RNF150: variants seen among roughly 807,000 people sequenced by gnomAD.
RNF150 encodes ring finger protein 150.
Under a neutral mutation model 39.3 loss-of-function variants are expected in RNF150, and 24 were observed. The ratio of observed to expected loss-of-function variants is 0.61; its 90% CI spans 0.44 to 0.86. RNF150 has a LOEUF of 0.86. Among genes scored for constraint, RNF150 ranks in the 40% least tolerant of loss-of-function variants. RNF150 has a pLI of 0.00. For synonymous variants in RNF150, 255 were observed against 227.3 expected (o/e 1.12, Z -1.10); for missense variants, 502 against 587.8 (o/e 0.85, Z 1.51).
In RNF150 at chr4:141,005,849, A is replaced by C. The variant is rs548621493; in HGVS notation, c.485-37976T>G. 1.1e-4 allele frequency among the ~76,000 whole-genome samples: 14 copies of C among 130,512 alleles called. No individual in the cohort carries two copies. In the East Asian group the frequency reaches 2.7e-3, roughly 25 times the overall value. 85.6% of individuals were successfully genotyped at this position (130,512 alleles called of 152,430 possible). A position where few individuals can be genotyped will look rare whatever the true frequency, so the allele number is the denominator to read the frequency against. On this transcript the variant is annotated intron_variant, in intron 1 of 6. Coordinates refer to ENST00000515673, the MANE Select transcript of RNF150 (RefSeq NM_020724.2). Reference sequence around the variant, plus strand: ...TTTGGGAGGCCGAGGCGGGCGGATCACGAGGTCAGGAGATCGAGACCATCC... The same window carrying C: ...TTTGGGAGGCCGAGGCGGGCGGATCCCGAGGTCAGGAGATCGAGACCATCC...
rs1385017116 is a variant in RNF150, at chr4:140,862,472, C to T, written c.*5789G>A. The T allele has an allele frequency of 1.3e-5, 2 of 151,966 alleles. No individual in the cohort carries two copies. Among genetic ancestry groups the T allele is most frequent in the African/African-American group, 4.8e-5 (2 of 41,348 alleles). The allele number at this position is 151,966 out of a possible 1,614,324, so 9.4% of individuals were successfully genotyped here. ...CAAGCAGGATTGCAATCAAATTGCTCGATATTAAGGGGCCACGTCTAGCAT... is the reference window on the plus strand; with the variant it reads ...CAAGCAGGATTGCAATCAAATTGCTTGATATTAAGGGGCCACGTCTAGCAT... On this transcript the variant is annotated 3_prime_UTR_variant, in exon 7 of 7. Transcript: ENST00000515673.
At chr4:141,118,829 C>T (rs569684903) in intron 1 of RNF150, among the ~76,000 whole-genome samples, 20 of 152,210 alleles carry the variant, frequency 1.3e-4, no homozygotes, top group African/African-American at 4.8e-4. Context: ...GGCTCGATCT[C>T]GGCTCACTAC....
At chr4:140,892,387 G>A (rs886794716) in intron 6 of RNF150, among the ~76,000 whole-genome samples, 4 of 152,260 alleles carry the variant, frequency 2.6e-5, no homozygotes, top group South Asian at 2.1e-4. Flanking sequence ...AAATGCCTCC[G>A]CTTGTAGTGA....
intron 1 of RNF150, among the ~76,000 whole-genome samples, chr4:141,159,219 T>C (rs1282620597): frequency 6.6e-6 from 1 of 152,210 alleles, no homozygotes; most frequent in African/African-American, 2.4e-5. Context: ...GTGGGTCATC[T>C]AGGGTCTCTG....
Position 140,967,699 on chromosome 4 carries a change from A to C in RNF150, c.659T>G (p.Met220Arg). Residue 220 changes from methionine to arginine, a missense_variant, in exon 2 of 7, where the codon ATG becomes AGG. Transcript: ENST00000515673. ...VFVSISFIVL[M>R]IISLAWLVFY... is the part of the protein sequence containing the mutation. Reference sequence around the variant, plus strand: ...GACGAGCCATGCGAGGGAAATGATCATCAGGACAATGAAGGAGATGGAGAC... The same window carrying C: ...GACGAGCCATGCGAGGGAAATGATCCTCAGGACAATGAAGGAGATGGAGAC... The C allele has an allele frequency of 1.2e-6, 2 of 1,613,564 alleles. No homozygotes were observed. Among genetic ancestry groups the C allele is most frequent in the Non-Finnish European group, 1.7e-6 (2 of 1,179,614 alleles).
At chr4:140,917,183 CACATA>C (rs1267264412) in intron 5 of RNF150, among the ~76,000 whole-genome samples, 3 of 152,176 alleles carry the variant, frequency 2.0e-5, no homozygotes, top group Non-Finnish European at 4.4e-5. Flanking sequence ...ATCAAATTCA[CACATA>C]ACAATATTAA....
intron 6 of RNF150, among the ~76,000 whole-genome samples, chr4:140,873,577 G>T (rs1012383552): frequency 2.0e-5 from 3 of 152,178 alleles, no homozygotes; most frequent in Non-Finnish European, 4.4e-5. Flanking sequence ...ATTGGCTGGG[G>T]TGGACTTAAA....
At chr4:141,101,083 G>A (rs1363890958) in intron 1 of RNF150, among the ~76,000 whole-genome samples, 1 of 151,936 alleles carries the variant, frequency 6.6e-6, no homozygotes, top group Admixed American at 6.6e-5. Flanking sequence ...ACTATTGTAG[G>A]CTTTATAAAC....
chr4:140,915,457 C>T (rs1345318373), intron 5 of RNF150, among the ~76,000 whole-genome samples: 2 of 152,172 alleles, frequency 1.3e-5, no homozygotes, highest in African/African-American at 4.8e-5. Flanking sequence ...TCCAAAATTC[C>T]TCCCAGATCC....
At chr4:140,892,569 G>T (rs1729791417) in intron 6 of RNF150, among the ~76,000 whole-genome samples, 1 of 152,246 alleles carries the variant, frequency 6.6e-6, no homozygotes, top group South Asian at 2.1e-4. Flanking sequence ...AAAGGCAAAG[G>T]TGTGGCCAAT....
At chr4:140,925,604 CT>C (rs1179904722) in intron 5 of RNF150, among the ~76,000 whole-genome samples, 2 of 152,100 alleles carry the variant, frequency 1.3e-5, no homozygotes, top group African/African-American at 4.8e-5. Context: ...GCTTACGGAT[CT>C]TCCTGATGGC....
At chr4:141,057,362 T>G (rs561945552) in intron 1 of RNF150, among the ~76,000 whole-genome samples, 187 of 152,216 alleles carry the variant, frequency 1.2e-3, no homozygotes, top group African/African-American at 4.3e-3. Context: ...TTTTTAGGTA[T>G]GATTTAGAAA....
At chr4:140,953,403 C>T (rs922947326) in intron 2 of RNF150, among the ~76,000 whole-genome samples, 3 of 151,892 alleles carry the variant, frequency 2.0e-5, no homozygotes, top group Admixed American at 1.3e-4. Context: ...ATTTTGGCAG[C>T]GGTGGATAAA....
intron 4 of RNF150, among the ~76,000 whole-genome samples, chr4:140,944,271 T>C (rs1732199158): frequency 6.6e-6 from 1 of 152,142 alleles, no homozygotes; most frequent in Non-Finnish European, 1.5e-5. Context: ...GGCATACGTA[T>C]GAGGTAGCAA....
At chr4:141,212,243 G>A (rs1442588395) in intron 1 of RNF150, among the ~76,000 whole-genome samples, 1 of 152,170 alleles carries the variant, frequency 6.6e-6, no homozygotes, top group Non-Finnish European at 1.5e-5. Flanking sequence ...AAGGAACTTA[G>A]CACTTAATGT....
At chr4:141,168,323 A>G (rs1391839754) in intron 1 of RNF150, among the ~76,000 whole-genome samples, 1 of 152,228 alleles carries the variant, frequency 6.6e-6, no homozygotes, top group Non-Finnish European at 1.5e-5. Context: ...TTGGAGAAAT[A>G]GGAACGCTTT....
intron 1 of RNF150, among the ~76,000 whole-genome samples, chr4:141,123,590 T>C (rs1331269587): frequency 6.6e-6 from 1 of 152,222 alleles, no homozygotes; most frequent in Non-Finnish European, 1.5e-5. Context: ...CTAGGGTACA[T>C]GTGCACAACG....
At chr4:141,053,323 A>G (rs1736849374) in intron 1 of RNF150, among the ~76,000 whole-genome samples, 1 of 152,216 alleles carries the variant, frequency 6.6e-6, no homozygotes, top group Non-Finnish European at 1.5e-5. Flanking sequence ...ATGAAGAATC[A>G]GGGTAAATGT....
chr4:140,935,000 TATA>T (rs1158084370), intron 4 of RNF150, among the ~76,000 whole-genome samples: 3 of 117,500 alleles, frequency 2.6e-5, no homozygotes, highest in African/African-American at 6.4e-5. Context: ...AATATATATA[TATA>T]TATAAATATA....
Sources: allele counts gnomAD v4.1 joint callset (sites outside exome capture counted in the v4.1 genomes callset), GRCh38; gene constraint gnomAD v4.1.1; transcripts MANE v1.5; gene names NCBI Gene and HGNC (gene_info 2026-07-23, HGNC 2026-07-21).